AGMO: variants seen among roughly 807,000 people sequenced by gnomAD.
The protein encoded by AGMO is glyceryl-ether monooxygenase.
A neutral mutation model predicts 60.2 loss-of-function variants in AGMO; 75 were observed. That is an observed-to-expected ratio of 1.25 (90% CI 1.03 to 1.51). The LOEUF (loss-of-function observed/expected upper bound fraction) is 1.51, where lower values mean the gene tolerates loss of function less well. Ranked by LOEUF, AGMO falls within the 40% of genes most tolerant of loss-of-function variation. The pLI is 0.00. For synonymous variants in AGMO, 261 were observed against 177.1 expected (o/e 1.47, Z -3.76); for missense variants, 763 against 525.5 (o/e 1.45, Z -4.42).
chr7:15,365,632 G>A lies in AGMO; in HGVS notation c.1158-13C>T, dbSNP rs947108655. ...AGCTGCCTTGGGTCTGAAATAAAAT[G>A]TCATTAACATGCATTAGCTTTAAAT... On this transcript the variant is annotated splice_polypyrimidine_tract_variant and intron_variant, in intron 11 of 12. Transcript: ENST00000342526. The A allele has an allele frequency of 2.2e-5, 34 of 1,572,980 alleles. No homozygotes were observed. The highest frequency in any genetic ancestry group is 1.7e-4 in the Middle Eastern group (1 of 5,998).
chr7:15,473,245 G>A (rs75755310), intron 3 of AGMO, among the ~76,000 whole-genome samples: 3 of 151,784 alleles, frequency 2.0e-5, no homozygotes, highest in African/African-American at 7.3e-5. Flanking sequence ...CTGAAATTGA[G>A]GCAGTAATTA....
In AGMO at chr7:15,255,534, CAAAAAA is replaced by C. The variant is rs60035165; in HGVS notation, c.1264-54181_1264-54176del. ...CTGTCTCCAAAGCCATGTAAGAATA[CAAAAAA>C]AAAAAAAAAAGAAAGAAAGAAAAAG... On this transcript the variant is annotated intron_variant, in intron 12 of 12. Transcript: ENST00000342526. Among the ~76,000 whole-genome samples, 430 of 115,812 alleles carry C rather than the reference CAAAAAA, an allele frequency of 3.7e-3. 1 individual carries two copies. Among genetic ancestry groups the C allele is most frequent in the Non-Finnish European group, 4.6e-3 (259 of 55,828 alleles). 76.0% of individuals were successfully genotyped at this position (115,812 alleles called of 152,430 possible). A position where few individuals can be genotyped will look rare whatever the true frequency, so the allele number is the denominator to read the frequency against.
intron 12 of AGMO, among the ~76,000 whole-genome samples, chr7:15,330,524 A>G (rs759592687): frequency 2.6e-5 from 4 of 152,116 alleles, no homozygotes; most frequent in Non-Finnish European, 4.4e-5. Context: ...GATTTGTGTT[A>G]CTAGAAAGTT....
At chr7:15,392,740 A>T (rs1166761652) in intron 6 of AGMO, among the ~76,000 whole-genome samples, 2 of 152,144 alleles carry the variant, frequency 1.3e-5, no homozygotes, top group Non-Finnish European at 2.9e-5. Context: ...CGGATGTTGC[A>T]GTGAGCCCAG....
At chr7:15,217,387 T>TGC (rs1186376890) in intron 12 of AGMO, among the ~76,000 whole-genome samples, 1 of 144,508 alleles carries the variant, frequency 6.9e-6, no homozygotes, top group African/African-American at 2.6e-5. Context: ...CTCTCTCACA[T>TGC]GCACACACAC....
intron 10 of AGMO, among the ~76,000 whole-genome samples, chr7:15,372,163 A>G (rs62452362): frequency 0.13 from 5,462 of 41,666 alleles, 108 homozygotes; most frequent in Admixed American, 0.17. Context: ...CTAAAGTCTA[A>G]CATGCGGCTG....
At chr7:15,166,562 A>G in the AGMO span, among the ~76,000 whole-genome samples, 1 of 152,286 alleles carries the variant, frequency 6.6e-6, no homozygotes, top group Non-Finnish European at 1.5e-5. Flanking sequence ...AACAGGATCC[A>G]TCTTACGTTT....
intron 3 of AGMO, among the ~76,000 whole-genome samples, chr7:15,473,575 G>A (rs1013354132): frequency 6.6e-6 from 1 of 152,036 alleles, no homozygotes; most frequent in Non-Finnish European, 1.5e-5. Flanking sequence ...AATAATAAGA[G>A]CTATTTATGG....
At chr7:15,341,129 C>T (rs1781833886) in intron 12 of AGMO, among the ~76,000 whole-genome samples, 1 of 152,032 alleles carries the variant, frequency 6.6e-6, no homozygotes, top group Admixed American at 6.5e-5. Flanking sequence ...GACATTTTCC[C>T]CTTGTCTTGG....
At chr7:15,423,866 T>C (rs886587466) in intron 4 of AGMO, among the ~76,000 whole-genome samples, 1 of 152,162 alleles carries the variant, frequency 6.6e-6, no homozygotes, top group Non-Finnish European at 1.5e-5. Flanking sequence ...GCCATCTTGA[T>C]GTCAGGCTTC....
At chr7:15,138,584 T>G in the AGMO span, among the ~76,000 whole-genome samples, 1 of 149,074 alleles carries the variant, frequency 6.7e-6, no homozygotes, top group Admixed American at 6.8e-5. Context: ...TACAACTATC[T>G]GCATTTCTAG....
At chr7:15,254,676 A>G (rs762039862) in intron 12 of AGMO, among the ~76,000 whole-genome samples, 1 of 152,156 alleles carries the variant, frequency 6.6e-6, no homozygotes, top group Non-Finnish European at 1.5e-5. Flanking sequence ...CCAAAATACG[A>G]AAGATCAATG....
the AGMO span, among the ~76,000 whole-genome samples, chr7:15,124,882 C>T: frequency 6.6e-6 from 1 of 151,958 alleles, no homozygotes; most frequent in African/African-American, 2.4e-5. Flanking sequence ...TAAAACTGAA[C>T]AAGATACAGT....
At chr7:15,368,957 A>T (rs1783094609) in intron 10 of AGMO, among the ~76,000 whole-genome samples, 2 of 152,112 alleles carry the variant, frequency 1.3e-5, no homozygotes, top group Admixed American at 6.6e-5. Flanking sequence ...GGCATGACTA[A>T]AACACTGCCT....
At chr7:15,521,251 C>T (rs1172391341) in intron 3 of AGMO, among the ~76,000 whole-genome samples, 1 of 152,118 alleles carries the variant, frequency 6.6e-6, no homozygotes, top group Admixed American at 6.5e-5. Flanking sequence ...GATTCACAGC[C>T]GAATTCTACC....
chr7:15,495,836 CT>C (rs1783209863), intron 3 of AGMO, among the ~76,000 whole-genome samples: 1 of 136,216 alleles, frequency 7.3e-6, no homozygotes, highest in East Asian at 2.1e-4. Context: ...CTCTCTCTCT[CT>C]CTCTCCTCTC....
chr7:15,310,009 T>C lies in AGMO; in HGVS notation c.1263+55505A>G, dbSNP rs183838076. Among the ~76,000 whole-genome samples, 36 of 152,308 alleles carry C rather than the reference T, an allele frequency of 2.4e-4. 1 individual carries two copies. The highest frequency in any genetic ancestry group is 8.2e-4 in the African/African-American group (34 of 41,574). On this transcript the variant is annotated intron_variant, in intron 12 of 12. Coordinates refer to ENST00000342526, the MANE Select transcript of AGMO (RefSeq NM_001004320.2). ...TATGATGAAAAAATATATCATATTC[T>C]GTCTGGAAGGAAATATTTGCTCATC...
intron 3 of AGMO, among the ~76,000 whole-genome samples, chr7:15,529,716 T>TTCTGTATATAGAATATATATAG (rs1784249396): frequency 1.5e-5 from 1 of 66,974 alleles, no homozygotes; most frequent in African/African-American, 5.6e-5. Flanking sequence ...ACTATATATA[T>TTCTGTATATAGAATATATATAG]ACTATATACT....
At chr7:15,181,680 A>G in the AGMO span, among the ~76,000 whole-genome samples, 2 of 152,252 alleles carry the variant, frequency 1.3e-5, no homozygotes, top group African/African-American at 4.8e-5. Context: ...AATATTCACT[A>G]TAACGGAAAA....
Sources: allele counts gnomAD v4.1 joint callset (sites outside exome capture counted in the v4.1 genomes callset), GRCh38; gene constraint gnomAD v4.1.1; transcripts MANE v1.5; gene names NCBI Gene and HGNC (gene_info 2026-07-23, HGNC 2026-07-21).